Variants in NAT10 observed in about 807,000 individuals in gnomAD.
NAT10 encodes RNA cytidine acetyltransferase.
NAT10 carries 109 observed loss-of-function variants against 132.2 expected under a neutral mutation model. That is an observed-to-expected ratio of 0.82 (90% CI 0.71 to 0.97). The LOEUF (loss-of-function observed/expected upper bound fraction) is 0.97. NAT10 is among the 50% of genes least tolerant of loss of function. The pLI is 0.00. For synonymous variants in NAT10, 479 were observed against 478.0 expected (o/e 1.00, Z -0.03); for missense variants, 1,184 against 1,263.4 (o/e 0.94, Z 0.95).
intron 8 of NAT10, among the ~76,000 whole-genome samples, chr11:34,121,955 C>A (rs562756832): frequency 6.7e-6 from 1 of 150,194 alleles, no homozygotes; most frequent in Non-Finnish European, 1.5e-5. Context: ...GCAGGCGGAT[C>A]GCCTGAGGTT....
chr11:34,113,509 TC>T (rs1161356307), intron 4 of NAT10, among the ~76,000 whole-genome samples: 1 of 151,508 alleles, frequency 6.6e-6, no homozygotes, highest in Non-Finnish European at 1.5e-5. Flanking sequence ...TGGTTAAGAG[TC>T]CCTTGGGTTG....
chr11:34,134,142 C>A (rs1228914736), intron 16 of NAT10, among the ~76,000 whole-genome samples, 177 bp from the exon 17 acceptor site: 2 of 152,012 alleles, frequency 1.3e-5, no homozygotes, highest in Non-Finnish European at 2.9e-5. Context: ...CCAGCCTGGG[C>A]GACAGAGTGA....
rs1851936715 is a variant in NAT10 at position 34,123,756 on chromosome 11, C to G, written c.915-6C>G. On this transcript the variant is annotated splice_polypyrimidine_tract_variant and splice_region_variant and intron_variant, in intron 9 of 28. Transcript: ENST00000257829. Reference sequence around the variant, plus strand: ...TTAAAAATCCTTCTTTTATTTTGTTCTGTAGGTACTCCAATATCTTTGTTA... The same window carrying G: ...TTAAAAATCCTTCTTTTATTTTGTTGTGTAGGTACTCCAATATCTTTGTTA... 6.4e-7 allele frequency: 1 copy of G among 1,557,200 alleles called. No individual in the cohort carries two copies. The highest frequency in any genetic ancestry group is 1.7e-5 in the Admixed American group (1 of 59,530).
At chr11:34,139,073 G>A (rs1216891764) in intron 21 of NAT10, 118 bp from the exon 22 acceptor site, 10 of 914,428 alleles carry the variant, frequency 1.1e-5, no homozygotes, top group Non-Finnish European at 1.5e-5. Context: ...AGCCTGGAAA[G>A]AAGGAGAGGC....
chr11:34,142,772 C>T (rs1852361261), intron 27 of NAT10, among the ~76,000 whole-genome samples: 1 of 152,198 alleles, frequency 6.6e-6, no homozygotes, highest in Non-Finnish European at 1.5e-5. Flanking sequence ...GAATCCTAGT[C>T]CCTTTTGTGC....
chr11:34,118,196 G>C lies in NAT10; in HGVS notation c.574G>C (p.Ala192Pro). Residue 192 changes from alanine to proline, a missense_variant, in exon 7 of 29, where the codon GCC becomes CCC. Coordinates refer to ENST00000257829, the MANE Select transcript of NAT10 (RefSeq NM_024662.3). The stretch of plus-strand genomic sequence containing the variant: ...GTATCTCAGGTTTATTCTGTCTCTG[G>C]CCTCTTGTAAGAAGTGTCTCGTCAT... ...RFNERFILSL[A>P]SCKKCLVIDD... 1 of 1,613,922 alleles carries C rather than the reference G, an allele frequency of 6.2e-7. No individual in the cohort carries two copies. Among genetic ancestry groups the C allele is most frequent in the Non-Finnish European group, 8.5e-7 (1 of 1,179,840 alleles).
Position 34,135,160 on chromosome 11 carries a change from C to T in NAT10, c.1912-15C>T, listed in dbSNP as rs1288620862. 2.5e-6 allele frequency: 4 copies of T among 1,607,578 alleles called. No homozygotes were observed. The highest frequency in any genetic ancestry group is 3.4e-6 in the Non-Finnish European group (4 of 1,174,162). On this transcript the variant is annotated splice_polypyrimidine_tract_variant and intron_variant, in intron 18 of 28. Coordinates refer to ENST00000257829, the MANE Select transcript of NAT10 (RefSeq NM_024662.3). ...TCTCTTCCCTCGGCCTCTTCCCCTT[C>T]ACGTTTGCTCCTAGATGGGCTATGG...
Position 34,132,193 on chromosome 11 carries a change from T to G in NAT10, c.1589T>G (p.Met530Arg). Residue 530 changes from methionine to arginine, a missense_variant, in exon 15 of 29, where the codon ATG (methionine) becomes AGG (arginine). Met to Arg is a moderately conservative substitution (Grantham distance 91). Coordinates refer to ENST00000257829, the MANE Select transcript of NAT10 (RefSeq NM_024662.3). ...TCTGAAGTTTTCCTCCAACGGCTTA[T>G]GGCCCTCTACGTGGCTTCTCACTAC... ...KASEVFLQRL[M>R]ALYVASHYKN... 2 of 1,614,190 alleles carry G rather than the reference T, an allele frequency of 1.2e-6. No individual in the cohort carries two copies. The highest frequency in any genetic ancestry group is 1.7e-6 in the Non-Finnish European group (2 of 1,179,976).
chr11:34,135,143 C>T (rs528938613), intron 18 of NAT10, 32 bp from the exon 19 acceptor site: 1 of 1,568,406 alleles, frequency 6.4e-7, no homozygotes, highest in Admixed American at 1.7e-5. Context: ...GCTCTCTTCC[C>T]TCGGCCTCTT....
At chr11:34,107,525 T>G (rs1851616471) in intron 1 of NAT10, among the ~76,000 whole-genome samples, 1 of 152,262 alleles carries the variant, frequency 6.6e-6, no homozygotes, top group Non-Finnish European at 1.5e-5. Flanking sequence ...TGGTATTTCC[T>G]TCCAGTCTTT....
Position 34,112,241 on chromosome 11 carries a change from AC to A in NAT10, c.372+20del. On this transcript the variant is annotated intron_variant, in intron 4 of 28. Transcript: ENST00000257829. ...TGCTGCAGGTGGGTGGCTTCCTCTA[AC>A]CTGTGATTGAAGTCAGAGTCTTGAG... 1.2e-6 allele frequency: 2 copies of A among 1,613,930 alleles called. No homozygotes were observed. The highest frequency in any genetic ancestry group is 1.7e-6 in the Non-Finnish European group (2 of 1,179,906).
rs902251739 is a variant in NAT10 at position 34,146,183 on chromosome 11, G to T, written c.3069G>T (p.Arg1023=). The T allele has an allele frequency of 6.3e-6, 10 of 1,598,860 alleles. No individual in the cohort carries two copies. In the East Asian group the frequency reaches 2.2e-4, roughly 36 times the overall value. ...TKNKKDMKLK[R]KK is the part of the protein sequence containing the mutation. ...ACAAAAAAGATATGAAACTGAAGCG[G>T]AAGAAATAGTGAAGAGAAACTCGGG... The change falls in exon 29 of 29, where the codon CGG becomes CGT. Residue 1023 remains arginine, a synonymous_variant. Coordinates refer to ENST00000257829, the MANE Select transcript of NAT10 (RefSeq NM_024662.3).
rs2134160639 is a variant in NAT10, at chr11:34,118,180, G to A, written c.558G>A (p.Arg186=). 6.2e-7 allele frequency: 1 copy of A among 1,612,582 alleles called. No homozygotes were observed. Among genetic ancestry groups the A allele is most frequent in the Non-Finnish European group, 8.5e-7 (1 of 1,178,618 alleles). The part of the protein sequence containing the change: ...HQDVVGRFNE[R]FILSLASCKK... ...TCATTGCAGCGGTTTTGTATCTCAG[G>A]TTTATTCTGTCTCTGGCCTCTTGTA... Residue 186 remains arginine, a splice_region_variant and synonymous_variant, in exon 7 of 29, where the codon AGG becomes AGA. Transcript: ENST00000257829.
Position 34,132,163 on chromosome 11 carries a change from A to G in NAT10, c.1559A>G (p.Lys520Arg), listed in dbSNP as rs140879112. The change falls in exon 15 of 29, where the codon AAG (lysine) becomes AGG (arginine). Residue 520 changes from lysine (K) to arginine (R), a missense_variant. Lys to Arg is a conservative substitution (Grantham distance 26). Transcript: ENST00000257829. Reference sequence around the variant, plus strand: ...AGAGATACCCTCTTTTGCTACCACAAGGCCTCTGAAGTTTTCCTCCAACGG... The same window carrying G: ...AGAGATACCCTCTTTTGCTACCACAGGGCCTCTGAAGTTTTCCTCCAACGG... Reference protein sequence around the residue: ...VNRDTLFCYHKASEVFLQRLM... With the variant: ...VNRDTLFCYHRASEVFLQRLM... 10 of 1,614,120 alleles carry G rather than the reference A, an allele frequency of 6.2e-6. 1 individual carries two copies. The highest frequency in any genetic ancestry group is 3.3e-5 in the South Asian group (3 of 91,082).
rs1852187897 is a variant in NAT10, at chr11:34,135,241, GA to G, written c.1979del (p.Glu660GlyfsTer14). The G allele has an allele frequency of 6.2e-7, 1 of 1,614,054 alleles. No individual in the cohort carries two copies. The stretch of plus-strand genomic sequence containing the variant: ...CTATGAAGGCAGGTTTCCTTGTCTG[GA>G]GGAAAAGGTCCTTGAGACACCACAG... ...MYYEGRFPCL[E>X]EKVLETPQEI... On this transcript the variant is annotated frameshift_variant, in exon 19 of 29. Coordinates refer to ENST00000257829, the MANE Select transcript of NAT10 (RefSeq NM_024662.3). LOFTEE classifies it high-confidence loss of function.
At chr11:34,118,958 C>A (rs1391413695) in intron 8 of NAT10, among the ~76,000 whole-genome samples, 1 of 152,132 alleles carries the variant, frequency 6.6e-6, no homozygotes, top group East Asian at 1.9e-4. Context: ...CAAGAGAGGG[C>A]AACATACCTG....
chr11:34,141,648 G>C, intron 25 of NAT10, 71 bp from the exon 26 acceptor site: 1 of 1,367,484 alleles, frequency 7.3e-7, no homozygotes, highest in Non-Finnish European at 1.0e-6. Context: ...GACACCAAGT[G>C]TCTGGGTCAC....
intron 26 of NAT10, 29 bp from the exon 27 acceptor site, chr11:34,142,246 T>C: frequency 6.2e-7 from 1 of 1,608,028 alleles, no homozygotes; most frequent in African/African-American, 1.3e-5. Context: ...TGACTCTGAC[T>C]TAGTCTCTTT....
At chr11:34,111,288 T>C (rs1170013516) in intron 3 of NAT10, among the ~76,000 whole-genome samples, 4 of 152,184 alleles carry the variant, frequency 2.6e-5, no homozygotes, top group African/African-American at 9.7e-5. Flanking sequence ...GAAGGGACAG[T>C]GGAGACAAAC....
Sources: gnomAD v4.1 joint callset for allele counts (sites outside exome capture counted in the v4.1 genomes callset) on GRCh38, gnomAD v4.1.1 for gene constraint, MANE v1.5 for transcripts, NCBI Gene and HGNC (gene_info 2026-07-23, HGNC 2026-07-21) for gene names.